Variants in DCC observed in about 807,000 individuals in gnomAD.
DCC encodes netrin receptor DCC.
In DCC, 58 loss-of-function variants were observed where a neutral mutation model predicts 172.5. That is an observed-to-expected ratio of 0.34 (90% CI 0.27 to 0.42). The LOEUF is 0.42. DCC is among the 10% of genes least tolerant of loss of function. DCC has a pLI of 1.00. For synonymous variants in DCC, 709 were observed against 644.5 expected (o/e 1.10, Z -1.52); for missense variants, 1,740 against 1,791.0 (o/e 0.97, Z 0.51).
chr18:52,461,469 A>G (rs897114958), intron 1 of DCC, among the ~76,000 whole-genome samples: 2 of 152,056 alleles, frequency 1.3e-5, no homozygotes, highest in African/African-American at 4.8e-5. Flanking sequence ...GCAGTCGTTT[A>G]TTATCATTAT....
intron 5 of DCC, among the ~76,000 whole-genome samples, chr18:53,060,401 T>TC (rs1214675665): frequency 6.6e-6 from 1 of 152,106 alleles, no homozygotes; most frequent in Non-Finnish European, 1.5e-5. Context: ...AGTTATTTTT[T>TC]CCCTTGCCTG....
At chr18:52,652,711 A>AGTGT (rs71175513) in intron 1 of DCC, among the ~76,000 whole-genome samples, 5,587 of 143,336 alleles carry the variant, frequency 0.039, 126 homozygotes, top group South Asian at 0.096. Context: ...ACTGCAATAA[A>AGTGT]GTGTGTGTGT....
In DCC at chr18:53,482,116, G is replaced by A. The variant is rs1343309388; in HGVS notation, c.3737-4681G>A. Among the ~76,000 whole-genome samples the A allele has an allele frequency of 4.6e-5, 7 of 152,024 alleles. No homozygotes were observed. The East Asian group carries it at 1.2e-3, about 25-fold the overall frequency. On this transcript the variant is annotated intron_variant, in intron 25 of 28. Coordinates refer to ENST00000442544, the MANE Select transcript of DCC (RefSeq NM_005215.4). ...TCCGACTTTCAAAACTGACGTCAAGGGGAAAAATACCAAAAGATATCCTAA... is the reference window on the plus strand; with the variant it reads ...TCCGACTTTCAAAACTGACGTCAAGAGGAAAAATACCAAAAGATATCCTAA...
intron 1 of DCC, among the ~76,000 whole-genome samples, chr18:52,471,076 C>T (rs960038321): frequency 1.3e-5 from 2 of 152,108 alleles, no homozygotes; most frequent in Non-Finnish European, 2.9e-5. Context: ...CCTGGCTGGG[C>T]GTGGTGGTTC....
At chr18:53,402,215 T>C (rs1356579195) in intron 18 of DCC, among the ~76,000 whole-genome samples, 2 of 151,980 alleles carry the variant, frequency 1.3e-5, no homozygotes, top group Non-Finnish European at 2.9e-5. Flanking sequence ...CATAGACCCA[T>C]CTCTACAAAA....
chr18:52,342,887 A>G (rs954455121), intron 1 of DCC, among the ~76,000 whole-genome samples: 2 of 152,180 alleles, frequency 1.3e-5, no homozygotes, highest in African/African-American at 4.8e-5. Flanking sequence ...CTTTGCATTT[A>G]TTTACATTTC....
At chr18:53,297,369 G>A (rs1332128846) in intron 12 of DCC, among the ~76,000 whole-genome samples, 1 of 152,156 alleles carries the variant, frequency 6.6e-6, no homozygotes, top group Non-Finnish European at 1.5e-5. Context: ...GGGGATGGAG[G>A]AATTAGAGGA....
At chr18:53,121,932 G>T (rs182533192) in intron 7 of DCC, among the ~76,000 whole-genome samples, 1 of 152,000 alleles carries the variant, frequency 6.6e-6, no homozygotes, top group African/African-American at 2.4e-5. Context: ...AGGGTTTGAG[G>T]ATCCACTCAG....
intron 1 of DCC, among the ~76,000 whole-genome samples, chr18:52,373,036 CAATG>C: frequency 6.6e-6 from 1 of 152,126 alleles, no homozygotes; most frequent in Non-Finnish European, 1.5e-5. Flanking sequence ...GGCTTATAAT[CAATG>C]ACCCAGCTCT....
chr18:52,829,784 ACT>A (rs1163630709), intron 2 of DCC, among the ~76,000 whole-genome samples: 3 of 152,208 alleles, frequency 2.0e-5, no homozygotes, highest in Admixed American at 6.5e-5. Context: ...ACAGACAAAG[ACT>A]CTACCTTTAT....
At chr18:52,860,845 G>A (rs916933362) in intron 2 of DCC, among the ~76,000 whole-genome samples, 1 of 151,860 alleles carries the variant, frequency 6.6e-6, no homozygotes, top group East Asian at 1.9e-4. Flanking sequence ...TAAAAATACA[G>A]AAAGTGAGCC....
chr18:52,493,338 C>T (rs1314168593), intron 1 of DCC, among the ~76,000 whole-genome samples: 1 of 151,916 alleles, frequency 6.6e-6, no homozygotes, highest in Non-Finnish European at 1.5e-5. Context: ...GTTTTGTAAA[C>T]TCATCTTTTT....
intron 1 of DCC, among the ~76,000 whole-genome samples, chr18:52,407,840 C>A (rs919497495): frequency 6.6e-6 from 1 of 151,920 alleles, no homozygotes; most frequent in Non-Finnish European, 1.5e-5. Flanking sequence ...TATTTTGTAC[C>A]AAAATACCCA....
chr18:53,328,375 A>G (rs1726929811), intron 14 of DCC, among the ~76,000 whole-genome samples: 1 of 152,086 alleles, frequency 6.6e-6, no homozygotes, highest in Admixed American at 6.6e-5. Context: ...GGTTTTTCTC[A>G]TGTGTAAAGA....
rs142879699 is a variant in DCC at position 53,067,053 on chromosome 18, C to T, written c.1261+887C>T. Among the ~76,000 whole-genome samples the T allele has an allele frequency of 6.2e-4, 95 of 152,266 alleles. 4 individuals carry two copies. The East Asian group carries it at 0.018, about 28-fold the overall frequency. On this transcript the variant is annotated intron_variant, in intron 7 of 28. Coordinates refer to ENST00000442544, the MANE Select transcript of DCC (RefSeq NM_005215.4). ...GCCCCTGTGATCTAATCACCCCCAACCAGGCCCCACCTCCAACACTGGGGA... is the reference window on the plus strand; with the variant it reads ...GCCCCTGTGATCTAATCACCCCCAATCAGGCCCCACCTCCAACACTGGGGA...
intron 12 of DCC, among the ~76,000 whole-genome samples, chr18:53,247,428 G>C (rs1013854136): frequency 6.6e-6 from 1 of 151,924 alleles, no homozygotes; most frequent in Non-Finnish European, 1.5e-5. Context: ...CTTATAAATA[G>C]TGAAGATTAT....
chr18:53,199,605 AAC>A (rs2055504278), intron 9 of DCC, among the ~76,000 whole-genome samples: 1 of 36,284 alleles, frequency 2.8e-5, no homozygotes, highest in African/African-American at 9.4e-5. Context: ...TATATGTAAG[AAC>A]ATATATATAT....
intron 5 of DCC, among the ~76,000 whole-genome samples, chr18:52,975,191 TAGAGATCCAA>T (rs1460362755): frequency 6.6e-6 from 1 of 152,146 alleles, no homozygotes; most frequent in Non-Finnish European, 1.5e-5. Context: ...TTCTGCAGGC[TAGAGATCCAA>T]GATCAAGGTG....
chr18:52,810,469 G>A (rs762150441), intron 2 of DCC, among the ~76,000 whole-genome samples: 1 of 152,216 alleles, frequency 6.6e-6, no homozygotes, highest in African/African-American at 2.4e-5. Context: ...CAATAAGGAT[G>A]TGCTGTATAT....
Sources: gnomAD v4.1 joint callset for allele counts (sites outside exome capture counted in the v4.1 genomes callset) on GRCh38, gnomAD v4.1.1 for gene constraint, MANE v1.5 for transcripts, NCBI Gene and HGNC (gene_info 2026-07-23, HGNC 2026-07-21) for gene names.